Variants in GCSAM observed in about 807,000 individuals in gnomAD.
The protein encoded by GCSAM is germinal center associated signaling and motility, also known as germinal center-associated signaling and motility protein.
A neutral mutation model predicts 17.6 loss-of-function variants in GCSAM; 8 were observed. The ratio of observed to expected loss-of-function variants is 0.46; its 90% CI spans 0.27 to 0.82. The LOEUF (loss-of-function observed/expected upper bound fraction) is 0.82, where lower values mean the gene tolerates loss of function less well. Ranked by LOEUF, GCSAM falls within the 40% of genes least tolerant of loss-of-function variation. The probability of loss-of-function intolerance (pLI) is 0.15; values close to 1 mark genes in which losing one functional copy is unlikely to be tolerated. For synonymous variants in GCSAM, 68 were observed against 69.0 expected (o/e 0.98, Z 0.07); for missense variants, 192 against 213.5 (o/e 0.90, Z 0.63).
chr3:112,123,212 C>A lies in GCSAM; in HGVS notation c.*243G>T. The A allele has an allele frequency of 1.5e-6, 1 of 648,672 alleles. No homozygotes were observed. Among genetic ancestry groups the A allele is most frequent in the South Asian group, 2.0e-5 (1 of 49,476 alleles). 40.2% of individuals were successfully genotyped at this position (648,672 alleles called of 1,614,324 possible). A position where few individuals can be genotyped will look rare whatever the true frequency, so the allele number is the denominator to read the frequency against. On this transcript the variant is annotated 3_prime_UTR_variant, in exon 6 of 6. Coordinates refer to ENST00000308910, the MANE Select transcript of GCSAM (RefSeq NM_152785.5). ...CCCTCCTACCACTATACTCTCCAAA[C>A]CATGTAGAACCAAAGATGGTTACCT...
At position 112,121,794 on chromosome 3, in the gene GCSAM, C is replaced by T. The variant is rs2074205682; in HGVS notation, c.*1661G>A. The T allele has an allele frequency of 6.6e-6, 1 of 152,188 alleles. No homozygotes were observed. The highest frequency in any genetic ancestry group is 1.5e-5 in the Non-Finnish European group (1 of 68,032). 9.4% of individuals were successfully genotyped at this position (152,188 alleles called of 1,614,324 possible). A position where few individuals can be genotyped will look rare whatever the true frequency, so the allele number is the denominator to read the frequency against. On this transcript the variant is annotated 3_prime_UTR_variant, in exon 6 of 6. Coordinates refer to ENST00000308910, the MANE Select transcript of GCSAM (RefSeq NM_152785.5). ...ACCTGTGACACATGCAAGCTCAAGC[C>T]ATTGCATTTCTCCTCTTTTGGGAGT...
rs1386549490 is a variant in GCSAM at position 112,123,502 on chromosome 3, G to C, written c.490C>G (p.Pro164Ala). 6.2e-7 allele frequency: 1 copy of C among 1,614,158 alleles called. No individual in the cohort carries two copies. Among genetic ancestry groups the C allele is most frequent in the Non-Finnish European group, 8.5e-7 (1 of 1,180,008 alleles). ...TCAGAAGGGGCCATAAGTGGACGTG[G>C]CTGTTGCAGAAAGTGAGAGGAGATT... ...HRISSHFLQQ[P>A]RPLMAPSETQ... The change falls in exon 6 of 6, where the codon CCA (proline) becomes GCA (alanine). Residue 164 changes from proline (P) to alanine (A), a missense_variant. Physicochemically the swap from Pro to Ala is conservative, Grantham distance 27. Coordinates refer to ENST00000308910, the MANE Select transcript of GCSAM (RefSeq NM_152785.5).
chr3:112,123,305 G>T lies in GCSAM; in HGVS notation c.*150C>A. 7.0e-7 allele frequency: 1 copy of T among 1,423,368 alleles called. No homozygotes were observed. Among genetic ancestry groups the T allele is most frequent in the East Asian group, 2.5e-5 (1 of 40,652 alleles). 88.2% of individuals were successfully genotyped at this position (1,423,368 alleles called of 1,614,324 possible). ...GATTTTGGCTTTTGCGTGCTAAGAG[G>T]GCTTGTGGTATACAAACCATGCTCT... On this transcript the variant is annotated 3_prime_UTR_variant, in exon 6 of 6. Transcript: ENST00000308910.
intron 5 of GCSAM, 120 bp from the exon 6 acceptor site, chr3:112,123,892 T>C: frequency 9.7e-7 from 1 of 1,035,392 alleles, no homozygotes; most frequent in Non-Finnish European, 1.4e-6. Flanking sequence ...CTCCTCCCCA[T>C]CTCTTGGCCA....
chr3:112,124,899 G>A (rs1242796239), intron 5 of GCSAM, among the ~76,000 whole-genome samples: 6 of 152,156 alleles, frequency 3.9e-5, no homozygotes, highest in East Asian at 1.9e-4. Context: ...CTATAAAATC[G>A]GGGGATGGGA....
intron 2 of GCSAM, 100 bp from the exon 3 acceptor site, chr3:112,128,161 C>G (rs2074371926): frequency 9.9e-7 from 1 of 1,009,818 alleles, no homozygotes; most frequent in African/African-American, 1.6e-5. Flanking sequence ...AACTTTTTTT[C>G]TCCCCGCAAG....
At chr3:112,127,102 CA>C (rs2074341345) in intron 3 of GCSAM, 69 bp from the exon 4 acceptor site, 1 of 994,632 alleles carries the variant, frequency 1.0e-6, no homozygotes, top group African/African-American at 1.6e-5. Flanking sequence ...CACAAGCCTA[CA>C]AAACTTACTT....
At chr3:112,126,726 T>C (rs898747069) in intron 4 of GCSAM, among the ~76,000 whole-genome samples, 5 of 152,208 alleles carry the variant, frequency 3.3e-5, no homozygotes, top group African/African-American at 1.2e-4. Flanking sequence ...CTCCACCTTT[T>C]GTATCCTTGC....
Position 112,123,475 on chromosome 3 carries a change from T to G in GCSAM, c.517A>C (p.Thr173Pro), listed in dbSNP as rs368320747. Residue 173 changes from threonine (T) to proline (P), a missense_variant, in exon 6 of 6, where the codon ACT (threonine) becomes CCT (proline). Physicochemically the swap from Thr to Pro is conservative, Grantham distance 38. Transcript: ENST00000308910. Reference sequence around the variant, plus strand: ...CTTCACTATAAATGGGAAAACTGAGTCTCAGAAGGGGCCATAAGTGGACGT... The same window carrying G: ...CTTCACTATAAATGGGAAAACTGAGGCTCAGAAGGGGCCATAAGTGGACGT... ...QPRPLMAPSETQFSHL is the reference protein window; with the variant it reads ...QPRPLMAPSEPQFSHL 3.7e-6 allele frequency: 6 copies of G among 1,613,768 alleles called. No homozygotes were observed. In the African/African-American group the frequency reaches 6.7e-5, roughly 18 times the overall value.
intron 4 of GCSAM, among the ~76,000 whole-genome samples, chr3:112,126,104 G>A (rs1340918542): frequency 2.0e-5 from 3 of 152,084 alleles, no homozygotes; most frequent in Admixed American, 2.0e-4. Flanking sequence ...TATAAGAAAA[G>A]CATCTTCAGC....
rs1473528418 is a variant in GCSAM at position 112,123,720 on chromosome 3, T to C, written c.272A>G (p.His91Arg). The C allele has an allele frequency of 5.6e-6, 9 of 1,613,994 alleles. No individual in the cohort carries two copies. In the South Asian group the frequency reaches 8.8e-5, roughly 16 times the overall value. The change falls in exon 6 of 6, where the codon CAT becomes CGT. Residue 91 changes from histidine (H) to arginine (R), a missense_variant. Physicochemically the swap from His to Arg is conservative, Grantham distance 29. Transcript: ENST00000308910. ...SEELCYTLIN[H>R]RVLCTRPSGN... The stretch of plus-strand genomic sequence containing the variant: ...TGATGGCCTTGTACAGAGAACCCGA[T>C]GATTGATGAGGGTATAGCACAGCTC...
At chr3:112,128,663 CA>C (rs1269095060) in intron 2 of GCSAM, 4 of 176,490 alleles carry the variant, frequency 2.3e-5, no homozygotes, top group Admixed American at 5.5e-5. Context: ...AATGAATAGC[CA>C]AGGACAGGAC....
At chr3:112,132,419 G>A (rs996972562) in intron 1 of GCSAM, among the ~76,000 whole-genome samples, 1 of 152,228 alleles carries the variant, frequency 6.6e-6, no homozygotes, top group East Asian at 1.9e-4. Flanking sequence ...TTGGTGGCAC[G>A]GCTTTGATAT....
At position 112,133,089 on chromosome 3, in the gene GCSAM, T is replaced by TA. The variant is rs893741214; in HGVS notation, c.29+2dup. 1 of 1,613,636 alleles carries TA rather than the reference T, an allele frequency of 6.2e-7. No individual in the cohort carries two copies. Reference sequence around the variant, plus strand: ...TGCTCTCCCACAGGGAGTCTAGACTTACCTGTTTTCTCTCAGCAGAGAATT... The same window carrying TA: ...TGCTCTCCCACAGGGAGTCTAGACTTAACCTGTTTTCTCTCAGCAGAGAATT... On this transcript the variant is annotated splice_region_variant and intron_variant, in intron 1 of 5. Transcript: ENST00000308910.
chr3:112,132,361 C>T (rs1426065161), intron 1 of GCSAM, among the ~76,000 whole-genome samples: 1 of 152,164 alleles, frequency 6.6e-6, no homozygotes, highest in Non-Finnish European at 1.5e-5. Flanking sequence ...CTCTCTAGAT[C>T]ACCCCACTTT....
chr3:112,132,562 TTAAAA>T (rs2074482717), intron 1 of GCSAM: 2 of 661,376 alleles, frequency 3.0e-6, no homozygotes, highest in African/African-American at 3.9e-5. Context: ...TTATTTCTAC[TTAAAA>T]TAAAGAGGCT....
chr3:112,128,002 CA>C lies in GCSAM; in HGVS notation c.143+14del. The C allele has an allele frequency of 3.1e-6, 5 of 1,611,346 alleles. No individual in the cohort carries two copies. Among genetic ancestry groups the C allele is most frequent in the Non-Finnish European group, 4.2e-6 (5 of 1,177,644 alleles). On this transcript the variant is annotated intron_variant, in intron 3 of 5. Coordinates refer to ENST00000308910, the MANE Select transcript of GCSAM (RefSeq NM_152785.5). Reference sequence around the variant, plus strand: ...CACTTAGGGAAATAACTCCTAAAAACAACTGTCCACTCACCATGGAAGGCAG... The same window carrying C: ...CACTTAGGGAAATAACTCCTAAAAACACTGTCCACTCACCATGGAAGGCAG...
intron 3 of GCSAM, among the ~76,000 whole-genome samples, 173 bp downstream of exon 3, chr3:112,127,844 C>A (rs1283403575): frequency 6.6e-6 from 1 of 152,128 alleles, no homozygotes; most frequent in Non-Finnish European, 1.5e-5. Flanking sequence ...GACTATTGTT[C>A]CTGTTTCTCA....
At chr3:112,130,223 T>G in intron 2 of GCSAM, 1 of 573,232 alleles carries the variant, frequency 1.7e-6, no homozygotes, top group South Asian at 2.2e-5. Context: ...GGGTCTTAGT[T>G]CCTGTTGCTA....
Sources: allele counts gnomAD v4.1 joint callset (sites outside exome capture counted in the v4.1 genomes callset), GRCh38; gene constraint gnomAD v4.1.1; transcripts MANE v1.5; gene names NCBI Gene and HGNC (gene_info 2026-07-23, HGNC 2026-07-21).